PPP1R9A: variants seen among roughly 807,000 people sequenced by gnomAD.
PPP1R9A encodes the protein protein phosphatase 1 regulatory subunit 9A, also known as neurabin-1.
Under a neutral mutation model 141.9 loss-of-function variants are expected in PPP1R9A, and 59 were observed. The ratio of observed to expected loss-of-function variants is 0.42; its 90% confidence interval spans 0.34 to 0.52. The LOEUF (loss-of-function observed/expected upper bound fraction) is 0.52. PPP1R9A is among the 20% of genes least tolerant of loss of function. PPP1R9A has a pLI of 0.10. For missense variants in PPP1R9A, 1,444 were observed against 1,611.9 expected (o/e 0.90, Z 1.78); for synonymous variants, 500 against 569.7 (o/e 0.88, Z 1.74).
chr7:95,211,764 A>G (rs1792184013), intron 7 of PPP1R9A, among the ~76,000 whole-genome samples: 1 of 152,162 alleles, frequency 6.6e-6, no homozygotes, highest in African/African-American at 2.4e-5. Flanking sequence ...AGGTGGGAGA[A>G]TAACTTGAGG....
intron 2 of PPP1R9A, among the ~76,000 whole-genome samples, chr7:95,004,089 T>C (rs1803291537): frequency 6.6e-6 from 1 of 152,038 alleles, no homozygotes; most frequent in Admixed American, 6.6e-5. Flanking sequence ...GTTTTAACTT[T>C]TCTTCTTCTG....
In PPP1R9A at chr7:95,018,839, A is replaced by C. The variant is rs143711894; in HGVS notation, c.1396-92420A>C. 2.9e-3 allele frequency among the ~76,000 whole-genome samples: 447 copies of C among 152,222 alleles called. 5 individuals are homozygous for C. Among genetic ancestry groups the C allele is most frequent in the African/African-American group, 0.01 (422 of 41,540 alleles). The stretch of plus-strand genomic sequence containing the variant: ...TAATAAGGTGCTTTGTCTCTGATTC[A>C]GGTGTCTTGGGTCTTCTGCTGGCAT... On this transcript the variant is annotated intron_variant, in intron 2 of 19. Transcript: ENST00000433360.
At chr7:94,922,021 TAC>T (rs1792907022) in intron 2 of PPP1R9A, among the ~76,000 whole-genome samples, 2 of 151,712 alleles carry the variant, frequency 1.3e-5, no homozygotes, top group African/African-American at 4.8e-5. Context: ...CTGTATTATA[TAC>T]AGTTTCTTGC....
chr7:94,921,577 T>G (rs1440943152), intron 2 of PPP1R9A, among the ~76,000 whole-genome samples: 1 of 152,170 alleles, frequency 6.6e-6, no homozygotes. Flanking sequence ...ATTTGCACTT[T>G]TCATTGTTAA....
intron 2 of PPP1R9A, among the ~76,000 whole-genome samples, chr7:94,972,866 T>TA (rs1286304528): frequency 6.6e-6 from 1 of 152,184 alleles, no homozygotes; most frequent in Non-Finnish European, 1.5e-5. Context: ...CTTAGAGAGT[T>TA]AGAGGATCTT....
intron 2 of PPP1R9A, among the ~76,000 whole-genome samples, chr7:95,021,724 G>A (rs1383965771): frequency 1.3e-5 from 2 of 152,092 alleles, no homozygotes; most frequent in African/African-American, 4.8e-5. Context: ...TATTAAATAG[G>A]GAATCCTTTC....
intron 7 of PPP1R9A, 112 bp downstream of exon 7, chr7:95,203,842 G>C (rs1301767441): frequency 1.4e-6 from 1 of 731,044 alleles, no homozygotes; most frequent in African/African-American, 1.8e-5. Context: ...AACTTCTCTA[G>C]AGTGATGTGT....
chr7:95,139,478 G>A (rs1476646424), intron 4 of PPP1R9A, among the ~76,000 whole-genome samples: 2 of 152,092 alleles, frequency 1.3e-5, no homozygotes, highest in African/African-American at 4.8e-5. Context: ...TTTCTATTTT[G>A]TGCTTTTGCC....
At chr7:95,158,828 C>T (rs1830024749) in intron 4 of PPP1R9A, among the ~76,000 whole-genome samples, 1 of 152,078 alleles carries the variant, frequency 6.6e-6, no homozygotes, top group Non-Finnish European at 1.5e-5. Context: ...AGGTGACTTA[C>T]AAACATATGA....
chr7:94,922,128 TTTAAA>T (rs1792923012), intron 2 of PPP1R9A, among the ~76,000 whole-genome samples: 1 of 149,618 alleles, frequency 6.7e-6, no homozygotes, highest in African/African-American at 2.4e-5. Context: ...TTAAATTATA[TTTAAA>T]TTAATTAAAA....
chr7:95,032,144 T>C (rs574974865), intron 2 of PPP1R9A, among the ~76,000 whole-genome samples: 2 of 152,194 alleles, frequency 1.3e-5, no homozygotes, highest in Non-Finnish European at 2.9e-5. Flanking sequence ...TTAGGTCTTA[T>C]TTCACTTGTC....
At chr7:95,184,928 G>C (rs906426073) in intron 5 of PPP1R9A, among the ~76,000 whole-genome samples, 1 of 151,878 alleles carries the variant, frequency 6.6e-6, no homozygotes, top group Non-Finnish European at 1.5e-5. Context: ...TGCAATAAAC[G>C]TGAGTGTGTG....
intron 2 of PPP1R9A, among the ~76,000 whole-genome samples, chr7:95,028,102 G>A (rs1004201848): frequency 1.3e-5 from 2 of 152,064 alleles, no homozygotes; most frequent in African/African-American, 4.8e-5. Flanking sequence ...TATCACCAAA[G>A]GTTCTTCTGT....
chr7:94,910,433 A>G lies in PPP1R9A; in HGVS notation c.320A>G (p.Glu107Gly). ...QRRMKPKEFL[E>G]KTDGSVVKLE... is the part of the protein sequence containing the mutation. ...AGAATGAAGCCCAAAGAATTTCTGGAAAAAACAGATGGCTCAGTTGTTAAG... is the reference window on the plus strand; with the variant it reads ...AGAATGAAGCCCAAAGAATTTCTGGGAAAAACAGATGGCTCAGTTGTTAAG... The change falls in exon 2 of 20, where the codon GAA (glutamate) becomes GGA (glycine). Residue 107 changes from glutamate (E) to glycine (G), a missense_variant. Transcript: ENST00000433360. The surrounding 1 kb of genome is among the most constrained non-coding windows in gnomAD (Gnocchi z 4.5). 1 of 1,614,186 alleles carries G rather than the reference A, an allele frequency of 6.2e-7. No homozygotes were observed. Among genetic ancestry groups the G allele is most frequent in the Non-Finnish European group, 8.5e-7 (1 of 1,180,018 alleles).
intron 2 of PPP1R9A, among the ~76,000 whole-genome samples, chr7:94,934,769 A>G (rs1794567128): frequency 7.2e-6 from 1 of 138,236 alleles, no homozygotes; most frequent in Admixed American, 7.4e-5. Flanking sequence ...ATGTGTATAT[A>G]TTTGATGTTA....
chr7:95,065,240 A>T (rs1282154355), intron 2 of PPP1R9A, among the ~76,000 whole-genome samples: 3 of 151,890 alleles, frequency 2.0e-5, no homozygotes, highest in Non-Finnish European at 2.9e-5. Flanking sequence ...GAATTTTTAA[A>T]ATTTTGCATA....
intron 1 of PPP1R9A, among the ~76,000 whole-genome samples, chr7:94,909,507 G>T (rs1791213131): frequency 6.6e-6 from 1 of 152,128 alleles, no homozygotes. Flanking sequence ...AAATGAAGTT[G>T]ATTTTCTGGA....
intron 5 of PPP1R9A, among the ~76,000 whole-genome samples, chr7:95,172,843 T>C (rs1351101537): frequency 6.6e-6 from 1 of 151,872 alleles, no homozygotes; most frequent in Non-Finnish European, 1.5e-5. Context: ...CTGGTTGAGG[T>C]ATAAGAATAG....
At chr7:95,229,597 C>A (rs775729006) in intron 8 of PPP1R9A, among the ~76,000 whole-genome samples, 4 of 152,100 alleles carry the variant, frequency 2.6e-5, no homozygotes, top group African/African-American at 4.8e-5. Flanking sequence ...CCTCCTCCCC[C>A]ACAGCAGCCA....
Sources: allele counts gnomAD v4.1 joint callset (sites outside exome capture counted in the v4.1 genomes callset), GRCh38; gene constraint gnomAD v4.1.1; non-coding constraint Gnocchi (gnomAD v3.1); transcripts MANE v1.5; gene names NCBI Gene and HGNC (gene_info 2026-07-23, HGNC 2026-07-21).